Variants in PITPNC1 observed in about 807,000 individuals in gnomAD.
PITPNC1 encodes phosphatidylinositol transfer protein cytoplasmic 1.
In PITPNC1, 18 loss-of-function variants were observed where a neutral mutation model predicts 44.7. The observed-to-expected ratio is 0.40, with a 90% CI of 0.28 to 0.60. The LOEUF (loss-of-function observed/expected upper bound fraction) is 0.60, where lower values mean the gene tolerates loss of function less well. Ranked by LOEUF, PITPNC1 falls within the 20% of genes least tolerant of loss-of-function variation. PITPNC1 has a pLI of 0.39. For synonymous variants in PITPNC1, 141 were observed against 149.6 expected (o/e 0.94, Z 0.42); for missense variants, 290 against 418.4 (o/e 0.69, Z 2.68).
At chr17:67,413,401 T>TTTTCTCTTTCTTTCTTTCTTTC in intron 1 of PITPNC1, among the ~76,000 whole-genome samples, 1 of 145,510 alleles carries the variant, frequency 6.9e-6, no homozygotes, top group Middle Eastern at 3.4e-3. Flanking sequence ...ATGTGCTTAA[T>TTTTCTCTTTCTTTCTTTCTTTC]TTTCTTTCTT....
At chr17:67,527,140 T>A (rs2040400492) in intron 1 of PITPNC1, among the ~76,000 whole-genome samples, 1 of 152,254 alleles carries the variant, frequency 6.6e-6, no homozygotes, top group South Asian at 2.1e-4. Context: ...TTGTTACTCA[T>A]CTTCTGCAAT....
intron 1 of PITPNC1, among the ~76,000 whole-genome samples, chr17:67,440,116 T>G (rs2038992526): frequency 6.6e-6 from 1 of 152,190 alleles, no homozygotes; most frequent in Admixed American, 6.5e-5. Context: ...AGTAAAACAC[T>G]AGCCCTTGGG....
Position 67,655,581 on chromosome 17 carries a change from A to C in PITPNC1, c.463-13927A>C, listed in dbSNP as rs1027766129. ...CTCAAAAAAAAAAAAAAAAAAAAAA[A>C]AGCACTAATTGCCTCCCAAAGGTCC... is the stretch of plus-strand genomic sequence containing the variant. On this transcript the variant is annotated intron_variant, in intron 6 of 8. Coordinates refer to ENST00000581322, the MANE Select transcript of PITPNC1 (RefSeq NM_012417.4). Among the ~76,000 whole-genome samples, 5 of 148,762 alleles carry C rather than the reference A, an allele frequency of 3.4e-5. No homozygotes were observed. The South Asian group carries it at 1.1e-3, about 31-fold the overall frequency.
intron 5 of PITPNC1, among the ~76,000 whole-genome samples, chr17:67,600,915 G>T (rs376260645): frequency 3.9e-5 from 6 of 151,958 alleles, no homozygotes; most frequent in Non-Finnish European, 8.8e-5. Flanking sequence ...GTATATTTGA[G>T]TAATAACAAT....
intron 7 of PITPNC1, among the ~76,000 whole-genome samples, chr17:67,674,205 A>G (rs1429511186): frequency 6.6e-6 from 1 of 151,900 alleles, no homozygotes; most frequent in African/African-American, 2.4e-5. Flanking sequence ...AAAATGTACA[A>G]TTAAAAAATT....
At chr17:67,580,468 C>G (rs2041214445) in intron 5 of PITPNC1, among the ~76,000 whole-genome samples, 1 of 152,086 alleles carries the variant, frequency 6.6e-6, no homozygotes. Flanking sequence ...ACCTCAGCCC[C>G]CCTACTGGGA....
intron 5 of PITPNC1, among the ~76,000 whole-genome samples, chr17:67,593,294 CTCT>C (rs1259608733): frequency 2.7e-5 from 4 of 149,046 alleles, no homozygotes; most frequent in Non-Finnish European, 5.9e-5. Context: ...GTGAAATTTT[CTCT>C]TTTTTTTTTT....
At chr17:67,407,562 G>C (rs1015967239) in intron 1 of PITPNC1, among the ~76,000 whole-genome samples, 1 of 152,064 alleles carries the variant, frequency 6.6e-6, no homozygotes, top group Non-Finnish European at 1.5e-5. Context: ...CAGCACTTTG[G>C]GGGGCTGAGG....
At chr17:67,532,665 C>T (rs1367531951) in intron 1 of PITPNC1, 137 bp from the exon 2 acceptor site, 2 of 592,926 alleles carry the variant, frequency 3.4e-6, no homozygotes, top group Non-Finnish European at 5.9e-6. Context: ...GGAAAAGTAA[C>T]ATGAGGCCCA....
rs2042966443 is a variant in PITPNC1 at position 67,693,664 on chromosome 17, C to T, written c.*776C>T. On this transcript the variant is annotated 3_prime_UTR_variant, in exon 9 of 9. Transcript: ENST00000581322. ...CCAGGTGAGGCAACATCTTTTTTCT[C>T]TACAGGTACCAACAAACCTTGACTT... is the stretch of plus-strand genomic sequence containing the variant. 1 of 152,126 alleles carries T rather than the reference C, an allele frequency of 6.6e-6. No homozygotes were observed. Among genetic ancestry groups the T allele is most frequent in the Non-Finnish European group, 1.5e-5 (1 of 68,006 alleles). The allele number at this position is 152,126 out of a possible 1,614,324, so 9.4% of individuals were successfully genotyped here. A position where few individuals can be genotyped will look rare whatever the true frequency, so the allele number is the denominator to read the frequency against.
chr17:67,444,303 C>A (rs1000385724), intron 1 of PITPNC1, among the ~76,000 whole-genome samples: 6 of 152,074 alleles, frequency 3.9e-5, no homozygotes, highest in African/African-American at 1.4e-4. Flanking sequence ...CACGGGGAAG[C>A]TCTTGGAAGC....
chr17:67,586,587 C>T, intron 5 of PITPNC1, among the ~76,000 whole-genome samples: 2 of 151,882 alleles, frequency 1.3e-5, no homozygotes, highest in East Asian at 3.9e-4. Context: ...AAGAGCAAAA[C>T]TCCATCTCAG....
intron 1 of PITPNC1, among the ~76,000 whole-genome samples, chr17:67,476,539 T>C (rs534063194): frequency 6.6e-6 from 1 of 152,274 alleles, no homozygotes; most frequent in Non-Finnish European, 1.5e-5. Context: ...GAGCTGGAAT[T>C]AGTTCAGCCA....
chr17:67,485,329 T>C (rs2039763446), intron 1 of PITPNC1, among the ~76,000 whole-genome samples: 1 of 151,806 alleles, frequency 6.6e-6, no homozygotes, highest in Non-Finnish European at 1.5e-5. Flanking sequence ...TGCTAGGCCA[T>C]GAACTAGAAT....
At chr17:67,582,610 T>G (rs1272990560) in intron 5 of PITPNC1, among the ~76,000 whole-genome samples, 3 of 151,382 alleles carry the variant, frequency 2.0e-5, no homozygotes, top group Admixed American at 2.0e-4. Context: ...AGTGGCAGTA[T>G]GAGTAAATAT....
chr17:67,678,846 TCATGGAAA>T (rs145754268), intron 8 of PITPNC1, among the ~76,000 whole-genome samples: 2,615 of 152,292 alleles, frequency 0.017, 86 homozygotes, highest in African/African-American at 0.054. Flanking sequence ...AGTGAGACTC[TCATGGAAA>T]CATGGAAACA....
At position 67,552,308 on chromosome 17, in the gene PITPNC1, A is replaced by G; in HGVS notation, c.249A>G (p.Thr83=). 6.2e-7 allele frequency: 1 copy of G among 1,603,988 alleles called. No individual in the cohort carries two copies. The highest frequency in any genetic ancestry group is 8.5e-7 in the Non-Finnish European group (1 of 1,170,764). The part of the protein sequence containing the change: ...RAVVPKIFYV[T]EKAWNYYPYT... ...TTGTCCCCAAAATATTTTATGTGAC[A>G]GAGAAGGCTTGGAACTATTATCCCT... Residue 83 remains threonine, a synonymous_variant, in exon 3 of 9, where the codon ACA becomes ACG. Transcript: ENST00000581322.
intron 1 of PITPNC1, among the ~76,000 whole-genome samples, chr17:67,437,742 G>A (rs540254358): frequency 2.4e-4 from 37 of 152,234 alleles, no homozygotes; most frequent in African/African-American, 8.4e-4. Context: ...CCCAGAGGAG[G>A]TCCCTGAGAA....
At chr17:67,590,758 T>C (rs1052599306) in intron 5 of PITPNC1, among the ~76,000 whole-genome samples, 8 of 151,310 alleles carry the variant, frequency 5.3e-5, no homozygotes, top group African/African-American at 1.9e-4. Context: ...AGGTCAGGAG[T>C]TGGAGACCAC....
Sources: allele counts gnomAD v4.1 joint callset (sites outside exome capture counted in the v4.1 genomes callset), GRCh38; gene constraint gnomAD v4.1.1; transcripts MANE v1.5; gene names NCBI Gene and HGNC (gene_info 2026-07-23, HGNC 2026-07-21).